ETV7: variants seen among roughly 807,000 people sequenced by gnomAD.
The protein encoded by ETV7 is transcription factor ETV7.
A neutral mutation model predicts 39.1 loss-of-function variants in ETV7; 43 were observed. The observed-to-expected ratio is 1.10, with a 90% CI of 0.86 to 1.42. ETV7 has a LOEUF of 1.42. Ranked by LOEUF, ETV7 falls within the 40% of genes most tolerant of loss-of-function variation. The pLI is 0.00. For synonymous variants in ETV7, 196 were observed against 176.6 expected (o/e 1.11, Z -0.87); for missense variants, 432 against 442.3 (o/e 0.98, Z 0.21).
At position 36,369,013 on chromosome 6, in the gene ETV7, G is replaced by T; in HGVS notation, c.723C>A (p.Pro241=). The change falls in exon 6 of 8, where the codon CCC becomes CCA. Residue 241 remains proline (P), a synonymous_variant. Coordinates refer to ENST00000340181, the MANE Select transcript of ETV7 (RefSeq NM_016135.4). Reference sequence around the variant, plus strand: ...CGTCCTTGTCTTCCCACTTGATGTAGGGCTCATATCGGGTATCAAGGAGCA... The same window carrying T: ...CGTCCTTGTCTTCCCACTTGATGTATGGCTCATATCGGGTATCAAGGAGCA... ...YQLLLDTRYE[P]YIKWEDKDAK... is the part of the protein sequence containing the mutation. 1 of 1,614,152 alleles carries T rather than the reference G, an allele frequency of 6.2e-7. No individual in the cohort carries two copies. Among genetic ancestry groups the T allele is most frequent in the Non-Finnish European group, 8.5e-7 (1 of 1,180,022 alleles).
intron 7 of ETV7, among the ~76,000 whole-genome samples, chr6:36,359,480 A>T (rs939376628): frequency 2.6e-5 from 4 of 152,122 alleles, no homozygotes; most frequent in African/African-American, 7.2e-5. Flanking sequence ...GAAAAAAAGA[A>T]AAAAGAAAGA....
At chr6:36,379,062 G>A (rs954186810) in intron 2 of ETV7, among the ~76,000 whole-genome samples, 2 of 152,232 alleles carry the variant, frequency 1.3e-5, no homozygotes, top group Non-Finnish European at 2.9e-5. Context: ...GCCGAAAGCT[G>A]ACTTAGTGTA....
chr6:36,365,209 C>T (rs1460524133), downstream of ETV7, among the ~76,000 whole-genome samples: 3 of 152,182 alleles, frequency 2.0e-5, no homozygotes, highest in African/African-American at 7.2e-5. Flanking sequence ...TGAGCTTTAC[C>T]TGACGGCTTG....
chr6:36,382,399 A>C (rs2127401852), intron 2 of ETV7, among the ~76,000 whole-genome samples: 1 of 152,332 alleles, frequency 6.6e-6, no homozygotes, highest in South Asian at 2.1e-4. Context: ...TCAAGCCAGC[A>C]GCATCAGCAT....
rs755188639 is a variant in ETV7, at chr6:36,366,860, C to T, written c.908+15G>A. The T allele has an allele frequency of 6.2e-7, 1 of 1,613,724 alleles. No homozygotes were observed. Among genetic ancestry groups the T allele is most frequent in the Non-Finnish European group, 8.5e-7 (1 of 1,179,646 alleles). ...GTTCTGCTTCCCCTTTCACCACATC[C>T]CCTAGGCCACTCACCTGAACAGGAG... On this transcript the variant is annotated intron_variant, in intron 7 of 7. Transcript: ENST00000340181.
downstream of ETV7, among the ~76,000 whole-genome samples, chr6:36,363,001 T>C (rs1015962494): frequency 2.0e-5 from 3 of 152,244 alleles, no homozygotes; most frequent in South Asian, 4.1e-4. Context: ...GAAGCTGGGC[T>C]GGGCCATGTG....
Position 36,366,237 on chromosome 6 carries a change from CCTGGAAGCA to C in ETV7, c.*399_*407del, listed in dbSNP as rs369934376. 29 of 1,031,792 alleles carry C rather than the reference CCTGGAAGCA, an allele frequency of 2.8e-5. No homozygotes were observed. In the East Asian group the frequency reaches 1.8e-3, roughly 63 times the overall value. The allele number at this position is 1,031,792 out of a possible 1,614,324, so 63.9% of individuals were successfully genotyped here. ...ATTGTTACTGAGGCTGTCAGTGCCG[CCTGGAAGCA>C]CTAACACTTTTTCCCATTTCCTGCC... On this transcript the variant is annotated 3_prime_UTR_variant, in exon 8 of 8. Coordinates refer to ENST00000340181, the MANE Select transcript of ETV7 (RefSeq NM_016135.4).
chr6:36,362,772 G>A (rs1772543490), downstream of ETV7, among the ~76,000 whole-genome samples: 1 of 152,218 alleles, frequency 6.6e-6, no homozygotes, highest in Non-Finnish European at 1.5e-5. Flanking sequence ...TGCTCTCCTA[G>A]TAGCCCAACC....
At chr6:36,386,622 A>G (rs925522341) in intron 1 of ETV7, among the ~76,000 whole-genome samples, 1 of 152,234 alleles carries the variant, frequency 6.6e-6, no homozygotes, top group Non-Finnish European at 1.5e-5. Flanking sequence ...AAAGCTTTAC[A>G]TTCATCTCTT....
At chr6:36,381,478 A>G (rs1773651054) in intron 2 of ETV7, among the ~76,000 whole-genome samples, 1 of 152,168 alleles carries the variant, frequency 6.6e-6, no homozygotes, top group African/African-American at 2.4e-5. Context: ...TAAAAACTCA[A>G]CGAATGAATG....
At chr6:36,379,941 G>C (rs1434177673) in intron 2 of ETV7, among the ~76,000 whole-genome samples, 3 of 151,420 alleles carry the variant, frequency 2.0e-5, no homozygotes, top group Non-Finnish European at 2.9e-5. Context: ...TGCCAGGCCA[G>C]CTGTAAATAA....
At chr6:36,355,561 G>T (rs986413027) in intron 7 of ETV7, among the ~76,000 whole-genome samples, 3 of 152,132 alleles carry the variant, frequency 2.0e-5, no homozygotes, top group Non-Finnish European at 4.4e-5. Context: ...ACAGGCATGC[G>T]CCATTGCGCC....
At chr6:36,375,209 A>G (rs1773256914) in intron 3 of ETV7, among the ~76,000 whole-genome samples, 1 of 152,208 alleles carries the variant, frequency 6.6e-6, no homozygotes, top group East Asian at 1.9e-4. Flanking sequence ...CAAGGAACAC[A>G]GAAAACATGA....
At chr6:36,354,945 T>A (rs1438697652) in intron 7 of ETV7, among the ~76,000 whole-genome samples, 2 of 152,268 alleles carry the variant, frequency 1.3e-5, no homozygotes, top group African/African-American at 4.8e-5. Context: ...GGTTGTTCAT[T>A]GTCATAGATA....
At position 36,366,992 on chromosome 6, in the gene ETV7, C is replaced by G. The variant is rs372601983; in HGVS notation, c.808-17G>C. Reference sequence around the variant, plus strand: ...CACCCGGTTCTGGAAAGCAAAGCAGCCCCACATCAGCCCCACTCCCCATGT... The same window carrying G: ...CACCCGGTTCTGGAAAGCAAAGCAGGCCCACATCAGCCCCACTCCCCATGT... On this transcript the variant is annotated splice_polypyrimidine_tract_variant and intron_variant, in intron 6 of 7. Coordinates refer to ENST00000340181, the MANE Select transcript of ETV7 (RefSeq NM_016135.4). 1.9e-6 allele frequency: 3 copies of G among 1,604,450 alleles called. No homozygotes were observed. Among genetic ancestry groups the G allele is most frequent in the Non-Finnish European group, 2.6e-6 (3 of 1,171,330 alleles).
At chr6:36,382,980 G>T (rs1773724306) in intron 2 of ETV7, among the ~76,000 whole-genome samples, 2 of 66,850 alleles carry the variant, frequency 3.0e-5, no homozygotes, top group South Asian at 7.2e-4. Flanking sequence ...CTGAGTCTCA[G>T]TTTCTCTGTC....
At chr6:36,363,196 G>A (rs770367806), downstream of ETV7, among the ~76,000 whole-genome samples, 8 of 152,232 alleles carry the variant, frequency 5.3e-5, no homozygotes, top group Non-Finnish European at 8.8e-5. Flanking sequence ...GCGGACCCTC[G>A]CGGTGAGTCT....
intron 2 of ETV7, among the ~76,000 whole-genome samples, chr6:36,376,479 A>G (rs988091378): frequency 6.6e-6 from 1 of 152,206 alleles, no homozygotes; most frequent in African/African-American, 2.4e-5. Flanking sequence ...GAACAACCCA[A>G]TGAAAGGGGT....
At chr6:36,362,963 G>A (rs1561899379), downstream of ETV7, among the ~76,000 whole-genome samples, 2 of 152,240 alleles carry the variant, frequency 1.3e-5, no homozygotes, top group African/African-American at 2.4e-5. Flanking sequence ...ATGCTGAGAA[G>A]AGGAAATGAG....
Sources: gnomAD v4.1 joint callset for allele counts (sites outside exome capture counted in the v4.1 genomes callset) on GRCh38, gnomAD v4.1.1 for gene constraint, MANE v1.5 for transcripts, NCBI Gene and HGNC (gene_info 2026-07-23, HGNC 2026-07-21) for gene names.